PKHD1: variants seen among roughly 807,000 people sequenced by gnomAD.
PKHD1 encodes fibrocystin.
PKHD1 carries 291 observed loss-of-function variants against 412.0 expected under a neutral mutation model. The observed-to-expected ratio is 0.71, with a 90% CI of 0.64 to 0.78. The LOEUF is 0.78. PKHD1 is among the 30% of genes least tolerant of loss of function. The pLI is 0.00. For missense variants in PKHD1, 4,825 were observed against 4,950.7 expected (o/e 0.97, Z 0.76); for synonymous variants, 1,777 against 1,821.5 (o/e 0.98, Z 0.62).
intron 55 of PKHD1, among the ~76,000 whole-genome samples, chr6:51,761,865 C>T (rs1256651646): frequency 6.6e-6 from 1 of 151,898 alleles, no homozygotes; most frequent in African/African-American, 2.4e-5. Flanking sequence ...GGGAAGTTTC[C>T]TCATAATCCA....
chr6:51,870,861 A>G (rs1026331896), intron 46 of PKHD1, among the ~76,000 whole-genome samples: 6 of 150,790 alleles, frequency 4.0e-5, no homozygotes, highest in East Asian at 3.8e-4. Flanking sequence ...AAAAATCAGG[A>G]AAAAAAAACC....
chr6:52,087,085 A>G (rs1812899573), intron 1 of PKHD1, among the ~76,000 whole-genome samples: 2 of 152,214 alleles, frequency 1.3e-5, no homozygotes, highest in African/African-American at 4.8e-5. Context: ...CATCTTTTTC[A>G]TGTCAATTAT....
intron 49 of PKHD1, among the ~76,000 whole-genome samples, chr6:51,849,040 G>T (rs1401061545): frequency 6.7e-6 from 1 of 150,108 alleles, no homozygotes; most frequent in African/African-American, 2.4e-5. Context: ...CATCCTCTAA[G>T]TTCCCTCCCC....
chr6:51,798,739 C>G (rs768118791), intron 52 of PKHD1, among the ~76,000 whole-genome samples: 1 of 152,144 alleles, frequency 6.6e-6, no homozygotes, highest in Non-Finnish European at 1.5e-5. Context: ...TTTCATTCTC[C>G]CTGTCTCAAA....
intron 63 of PKHD1, among the ~76,000 whole-genome samples, chr6:51,642,423 G>C (rs1259171317): frequency 6.6e-6 from 1 of 152,162 alleles, no homozygotes; most frequent in Non-Finnish European, 1.5e-5. Context: ...ACAGACTATG[G>C]GTAAAGTATG....
At chr6:51,623,721 C>T (rs1338420539) in intron 66 of PKHD1, among the ~76,000 whole-genome samples, 1 of 152,044 alleles carries the variant, frequency 6.6e-6, no homozygotes, top group Non-Finnish European at 1.5e-5. Context: ...GTAGCTGTGA[C>T]TACAGGCATG....
At chr6:51,847,635 A>G in intron 50 of PKHD1, 140 bp downstream of exon 50, 2 of 727,142 alleles carry the variant, frequency 2.8e-6, no homozygotes, top group Admixed American at 4.0e-5. Context: ...ATCAGACTTC[A>G]GGGAACATTC....
chr6:51,843,618 A>G (rs1228333269), intron 50 of PKHD1, among the ~76,000 whole-genome samples: 1 of 152,232 alleles, frequency 6.6e-6, no homozygotes, highest in East Asian at 1.9e-4. Context: ...CAAATATAAA[A>G]GAACACTTGT....
At position 51,883,037 on chromosome 6, in the gene PKHD1, G is replaced by A. The variant is rs977909266; in HGVS notation, c.7350+56C>T. On this transcript the variant is annotated intron_variant, in intron 46 of 66. Coordinates refer to ENST00000371117, the MANE Select transcript of PKHD1 (RefSeq NM_138694.4). Reference sequence around the variant, plus strand: ...ATATCCTGGATCATCAGGGGGCCCAGCACATGTAATTTTGTTGTGATTGAC... The same window carrying A: ...ATATCCTGGATCATCAGGGGGCCCAACACATGTAATTTTGTTGTGATTGAC... 1.0e-5 allele frequency: 14 copies of A among 1,399,348 alleles called. No individual in the cohort carries two copies. The African/African-American group carries it at 1.7e-4, about 17-fold the overall frequency. 86.7% of individuals were successfully genotyped at this position (1,399,348 alleles called of 1,614,324 possible).
At chr6:51,788,234 G>C (rs1300657286) in intron 53 of PKHD1, among the ~76,000 whole-genome samples, 1 of 152,018 alleles carries the variant, frequency 6.6e-6, no homozygotes, top group Admixed American at 6.6e-5. Context: ...CTAATGGCAT[G>C]ACCTGGCTGG....
At chr6:51,781,253 A>G (rs1289170545) in intron 53 of PKHD1, among the ~76,000 whole-genome samples, 1 of 152,132 alleles carries the variant, frequency 6.6e-6, no homozygotes, top group African/African-American at 2.4e-5. Flanking sequence ...TTCCTAAAAC[A>G]TTCCTCTCCA....
Position 51,903,530 on chromosome 6 carries a change from C to A in PKHD1, c.6996+67G>T, listed in dbSNP as rs564067888. 57 of 1,434,858 alleles carry A rather than the reference C, an allele frequency of 4.0e-5. No homozygotes were observed. The East Asian group carries it at 1.2e-3, about 31-fold the overall frequency. 88.9% of individuals were successfully genotyped at this position (1,434,858 alleles called of 1,614,324 possible). ...CCCAGGGAAGCCAAAAGGTTGGACA[C>A]CCCTGATTGAGAAAGAACTTTATGC... On this transcript the variant is annotated intron_variant, in intron 43 of 66. Transcript: ENST00000371117.
At chr6:52,082,265 C>CT (rs1258198127) in intron 4 of PKHD1, 127 bp downstream of exon 4, 3 of 962,824 alleles carry the variant, frequency 3.1e-6, no homozygotes, top group African/African-American at 1.6e-5. Context: ...TCACATGAAA[C>CT]TTTTTTTAAC....
chr6:51,716,762 G>GA (rs1781311950), intron 60 of PKHD1, among the ~76,000 whole-genome samples: 1 of 151,980 alleles, frequency 6.6e-6, no homozygotes, highest in African/African-American at 2.4e-5. Flanking sequence ...GACATCAGGA[G>GA]AAAAAAATTC....
At chr6:51,703,969 G>T (rs781339411) in intron 60 of PKHD1, among the ~76,000 whole-genome samples, 3 of 151,938 alleles carry the variant, frequency 2.0e-5, no homozygotes, top group Non-Finnish European at 4.4e-5. Flanking sequence ...TCATTTGAAG[G>T]GTAGCTAGTT....
chr6:52,035,561 G>C (rs375106479), intron 28 of PKHD1, 30 bp downstream of exon 28: 31 of 1,606,554 alleles, frequency 1.9e-5, no homozygotes, highest in East Asian at 1.3e-4. Context: ...CTCACCCAGA[G>C]AGAAAGAGAT....
chr6:51,939,283 C>T (rs1403658929), intron 36 of PKHD1, among the ~76,000 whole-genome samples: 1 of 151,296 alleles, frequency 6.6e-6, no homozygotes, highest in East Asian at 1.9e-4. Context: ...GGCAAGAACG[C>T]CCAGACCCCT....
intron 60 of PKHD1, among the ~76,000 whole-genome samples, chr6:51,713,793 G>A (rs746583191): frequency 7.2e-5 from 11 of 152,028 alleles, no homozygotes; most frequent in Non-Finnish European, 1.3e-4. Flanking sequence ...TCTTGTATGG[G>A]TCTCTGTTAA....
intron 52 of PKHD1, among the ~76,000 whole-genome samples, chr6:51,828,471 A>G (rs1453308323): frequency 6.6e-6 from 1 of 152,158 alleles, no homozygotes; most frequent in East Asian, 1.9e-4. Flanking sequence ...CATTACTATC[A>G]TCGTAAAAAT....
Sources: gnomAD v4.1 joint callset for allele counts (sites outside exome capture counted in the v4.1 genomes callset) on GRCh38, gnomAD v4.1.1 for gene constraint, MANE v1.5 for transcripts, NCBI Gene and HGNC (gene_info 2026-07-23, HGNC 2026-07-21) for gene names.